The following TRPM3 variants were observed in gnomAD, a reference collection of about 807,000 sequenced individuals.
TRPM3 encodes long transient receptor potential channel 3.
TRPM3 carries 77 observed loss-of-function variants against 181.2 expected under a neutral mutation model. That is an observed-to-expected ratio of 0.42 (90% confidence interval 0.35 to 0.51). The LOEUF (loss-of-function observed/expected upper bound fraction) is 0.51. Among genes scored for constraint, TRPM3 ranks in the 20% least tolerant of loss-of-function variants. The pLI is 0.01. For synonymous variants in TRPM3, 745 were observed against 796.4 expected (o/e 0.94, Z 1.09); for missense variants, 1,759 against 2,196.7 (o/e 0.80, Z 3.98).
At chr9:71,333,483 T>C (rs2090354951) in intron 1 of TRPM3, among the ~76,000 whole-genome samples, 1 of 152,034 alleles carries the variant, frequency 6.6e-6, no homozygotes, top group Non-Finnish European at 1.5e-5. Flanking sequence ...TAGCACACTA[T>C]CTGGCTCTTC....
intron 1 of TRPM3, among the ~76,000 whole-genome samples, chr9:71,091,802 C>T (rs758153510): frequency 5.9e-5 from 9 of 151,696 alleles, no homozygotes; most frequent in South Asian, 2.1e-4. Flanking sequence ...TAGAAAAGAT[C>T]GGTTTTCGAG....
intron 6 of TRPM3, among the ~76,000 whole-genome samples, chr9:70,787,500 G>T (rs1348665625): frequency 6.6e-6 from 1 of 152,044 alleles, no homozygotes; most frequent in Non-Finnish European, 1.5e-5. Context: ...CATGCTTATT[G>T]TAAGTTAACC....
chr9:70,561,690 G>T (rs754459905), intron 22 of TRPM3, among the ~76,000 whole-genome samples: 1 of 152,244 alleles, frequency 6.6e-6, no homozygotes, highest in African/African-American at 2.4e-5. Context: ...ATGATATGGC[G>T]CAAAGGCAGC....
At chr9:71,325,246 A>T (rs550467570) in intron 1 of TRPM3, among the ~76,000 whole-genome samples, 2 of 152,340 alleles carry the variant, frequency 1.3e-5, no homozygotes, top group African/African-American at 4.8e-5. Context: ...ACAAAGTTTT[A>T]CCAAAATTTA....
intron 19 of TRPM3, among the ~76,000 whole-genome samples, chr9:70,607,318 GAA>G: frequency 6.6e-6 from 1 of 152,308 alleles, no homozygotes; most frequent in South Asian, 2.1e-4. Context: ...CCTTCAATCT[GAA>G]ATTGAATTGT....
At chr9:71,103,396 T>G (rs542587282) in intron 1 of TRPM3, among the ~76,000 whole-genome samples, 1 of 152,316 alleles carries the variant, frequency 6.6e-6, no homozygotes, top group Admixed American at 6.5e-5. Context: ...TCTCTCAACC[T>G]GCTGAGGTCA....
chr9:70,775,999 T>C (rs1454922700), intron 7 of TRPM3: 3 of 154,470 alleles, frequency 1.9e-5, no homozygotes, highest in East Asian at 1.9e-4. Flanking sequence ...TTTTCAAGTA[T>C]ACAATATATT....
intron 18 of TRPM3, among the ~76,000 whole-genome samples, chr9:70,612,940 A>G (rs938133128): frequency 6.6e-6 from 1 of 152,134 alleles, no homozygotes; most frequent in Non-Finnish European, 1.5e-5. Context: ...TTTTGGGGTA[A>G]CTTCTGGGGA....
chr9:71,368,328 C>G (rs1020073819), intron 1 of TRPM3, among the ~76,000 whole-genome samples: 1 of 152,166 alleles, frequency 6.6e-6, no homozygotes, highest in Non-Finnish European at 1.5e-5. Context: ...CACTAGCCAA[C>G]AGTGATTGGA....
chr9:71,211,861 A>T (rs2131803926), intron 1 of TRPM3, among the ~76,000 whole-genome samples: 1 of 152,270 alleles, frequency 6.6e-6, no homozygotes, highest in South Asian at 2.1e-4. Flanking sequence ...TCACGTTCTG[A>T]GGTACTGTGG....
intron 1 of TRPM3, among the ~76,000 whole-genome samples, chr9:70,930,638 C>T (rs1229340600): frequency 1.3e-5 from 2 of 152,076 alleles, no homozygotes; most frequent in Non-Finnish European, 2.9e-5. Context: ...GGCATTATGG[C>T]ATAAGATGTA....
intron 1 of TRPM3, among the ~76,000 whole-genome samples, chr9:71,247,289 G>A (rs2082084116): frequency 6.7e-6 from 1 of 148,150 alleles, no homozygotes; most frequent in African/African-American, 2.5e-5. Context: ...GGGAGGTGGG[G>A]GTTGCAGTAA....
intron 22 of TRPM3, among the ~76,000 whole-genome samples, chr9:70,569,537 C>T (rs2051642498): frequency 1.3e-5 from 2 of 152,062 alleles, no homozygotes; most frequent in East Asian, 3.9e-4. Flanking sequence ...TCTAACTGGT[C>T]CCAGATTATA....
chr9:71,208,690 T>A (rs1180820364), intron 1 of TRPM3, among the ~76,000 whole-genome samples: 1 of 152,194 alleles, frequency 6.6e-6, no homozygotes, highest in Non-Finnish European at 1.5e-5. Context: ...CCTAAATTCA[T>A]CAAAAGTAGT....
chr9:70,572,520 G>A (rs1005039163), intron 22 of TRPM3, among the ~76,000 whole-genome samples: 9 of 151,936 alleles, frequency 5.9e-5, no homozygotes, highest in East Asian at 1.9e-4. Flanking sequence ...AGTTTCCTCC[G>A]GTTGTTGACA....
intron 9 of TRPM3, among the ~76,000 whole-genome samples, chr9:70,657,163 A>T (rs2060467419): frequency 6.6e-6 from 1 of 150,562 alleles, no homozygotes; most frequent in African/African-American, 2.4e-5. Context: ...ATTAAAGGGA[A>T]ATTATAATGG....
At chr9:70,569,263 T>A (rs765394297) in intron 22 of TRPM3, among the ~76,000 whole-genome samples, 2 of 152,220 alleles carry the variant, frequency 1.3e-5, no homozygotes, top group Non-Finnish European at 2.9e-5. Flanking sequence ...ACAGCATAGA[T>A]GGACCCAAGA....
chr9:71,314,336 G>A (rs544122044), intron 1 of TRPM3, among the ~76,000 whole-genome samples: 1 of 151,974 alleles, frequency 6.6e-6, no homozygotes, highest in Non-Finnish European at 1.5e-5. Context: ...TTTCCACATA[G>A]TCCTGCCTTC....
intron 1 of TRPM3, among the ~76,000 whole-genome samples, chr9:70,899,828 C>T (rs1044282688): frequency 6.6e-6 from 1 of 152,148 alleles, no homozygotes; most frequent in Non-Finnish European, 1.5e-5. Context: ...ATCATGTTTG[C>T]ATAGAGAAGA....
Sources: allele counts gnomAD v4.1 joint callset (sites outside exome capture counted in the v4.1 genomes callset), GRCh38; gene constraint gnomAD v4.1.1; transcripts MANE v1.5; gene names NCBI Gene and HGNC (gene_info 2026-07-23, HGNC 2026-07-21).